The following CRADD variants were observed in gnomAD, a reference collection of about 807,000 sequenced individuals.
The protein encoded by CRADD is CARD and death domain containing adaptor protein, also known as death domain-containing protein CRADD.
In CRADD, 9 loss-of-function variants were observed where a neutral mutation model predicts 15.5. The observed-to-expected ratio is 0.58, with a 90% CI of 0.35 to 1.01. The LOEUF (loss-of-function observed/expected upper bound fraction) is 1.01. Ranked by LOEUF, CRADD falls within the 50% of genes least tolerant of loss-of-function variation. The pLI is 0.02. For synonymous variants in CRADD, 118 were observed against 107.6 expected (o/e 1.10, Z -0.60); for missense variants, 227 against 250.3 (o/e 0.91, Z 0.63).
At chr12:93,879,485 A>G (rs1958479944) in intron 2 of CRADD, among the ~76,000 whole-genome samples, 1 of 152,148 alleles carries the variant, frequency 6.6e-6, no homozygotes, top group Non-Finnish European at 1.5e-5. Flanking sequence ...CCAATTGTTT[A>G]GGTTCCCTTC....
intron 2 of CRADD, among the ~76,000 whole-genome samples, chr12:93,864,591 G>C (rs922638901): frequency 6.6e-6 from 1 of 152,216 alleles, no homozygotes; most frequent in South Asian, 2.1e-4. Context: ...AAGGATAAAA[G>C]TGAGGGTCAC....
At chr12:93,799,369 GCA>G (rs1421400018) in intron 2 of CRADD, among the ~76,000 whole-genome samples, 1 of 151,994 alleles carries the variant, frequency 6.6e-6, no homozygotes, top group Non-Finnish European at 1.5e-5. Context: ...TTGTAACCCA[GCA>G]CACACACACA....
intron 2 of CRADD, chr12:93,714,935 A>G (rs1429392193): frequency 6.6e-6 from 1 of 152,244 alleles, no homozygotes; most frequent in Non-Finnish European, 1.5e-5. Context: ...GGAGGTTGGG[A>G]ATGGCATTTG....
At chr12:93,712,761 A>G (rs1436949004) in intron 2 of CRADD, among the ~76,000 whole-genome samples, 1 of 152,196 alleles carries the variant, frequency 6.6e-6, no homozygotes, top group Non-Finnish European at 1.5e-5. Flanking sequence ...GTAGACTAGG[A>G]GCTTTATGCT....
chr12:93,889,708 G>A (rs936352560), intron 2 of CRADD, among the ~76,000 whole-genome samples: 4 of 152,136 alleles, frequency 2.6e-5, no homozygotes, highest in African/African-American at 4.8e-5. Flanking sequence ...AGGTGATGCC[G>A]TAACATAAAG....
chr12:93,809,065 C>T (rs1251695411), intron 2 of CRADD, among the ~76,000 whole-genome samples: 1 of 152,060 alleles, frequency 6.6e-6, no homozygotes, highest in Non-Finnish European at 1.5e-5. Flanking sequence ...CAGGCACACA[C>T]CACCACACCC....
intron 2 of CRADD, among the ~76,000 whole-genome samples, chr12:93,744,389 GA>G (rs1211871410): frequency 6.6e-6 from 1 of 152,212 alleles, no homozygotes; most frequent in Non-Finnish European, 1.5e-5. Context: ...ACAGTGTGCA[GA>G]ATTTGCTTTA....
chr12:93,806,451 C>CAAAAAAAAAAAAA (rs59372325), intron 2 of CRADD, among the ~76,000 whole-genome samples: 3 of 59,194 alleles, frequency 5.1e-5, no homozygotes, highest in Non-Finnish European at 1.1e-4. Context: ...GACTCCATCT[C>CAAAAAAAAAAAAA]AAAAAAAAAA....
chr12:93,857,223 G>A (rs939197380), intron 2 of CRADD, among the ~76,000 whole-genome samples: 5 of 151,878 alleles, frequency 3.3e-5, no homozygotes, highest in African/African-American at 1.2e-4. Context: ...GGCTGTTTTT[G>A]ATGTCAAATT....
chr12:93,859,363 A>G (rs191654513), intron 2 of CRADD: 1 of 455,948 alleles, frequency 2.2e-6, no homozygotes, highest in Non-Finnish European at 4.4e-6. Context: ...GGAATCACCA[A>G]TTTTCTACCC....
At chr12:93,776,362 G>T (rs1399163489) in intron 2 of CRADD, among the ~76,000 whole-genome samples, 1 of 152,164 alleles carries the variant, frequency 6.6e-6, no homozygotes, top group Non-Finnish European at 1.5e-5. Context: ...GAATTTCTAG[G>T]TTGAAGAGTG....
chr12:93,683,147 C>G (rs1955358295), intron 2 of CRADD, among the ~76,000 whole-genome samples: 1 of 152,150 alleles, frequency 6.6e-6, no homozygotes, highest in Admixed American at 6.5e-5. Flanking sequence ...CCCTCCAGTG[C>G]CTGAGCTAAT....
chr12:93,677,398 T>G lies in CRADD; in HGVS notation c.-81T>G, dbSNP rs551823054. Reference sequence around the variant, plus strand: ...TCGCCATTAACAAAGATGGTGCTTATGGGGCAGGTTCCCTAACAGTCAGGA... The same window carrying G: ...TCGCCATTAACAAAGATGGTGCTTAGGGGGCAGGTTCCCTAACAGTCAGGA... On this transcript the variant is annotated 5_prime_UTR_variant, in exon 1 of 3. The change abolishes an upstream ATG in the 5' untranslated region. Transcript: ENST00000332896. 1 of 152,366 alleles carries G rather than the reference T, an allele frequency of 6.6e-6. No individual in the cohort carries two copies. Among genetic ancestry groups the G allele is most frequent in the South Asian group, 2.1e-4 (1 of 4,832 alleles). The allele number at this position is 152,366 out of a possible 1,614,324, so 9.4% of individuals were successfully genotyped here. A position where few individuals can be genotyped will look rare whatever the true frequency, so the allele number is the denominator to read the frequency against.
intron 2 of CRADD, among the ~76,000 whole-genome samples, chr12:93,744,361 A>G (rs760017846): frequency 1.8e-4 from 28 of 152,198 alleles, no homozygotes; most frequent in Admixed American, 2.6e-4. Flanking sequence ...TTGCCCATCT[A>G]CATCTTCAAA....
At chr12:93,736,282 C>G (rs190023398) in intron 2 of CRADD, among the ~76,000 whole-genome samples, 243 of 152,216 alleles carry the variant, frequency 1.6e-3, no homozygotes, top group Non-Finnish European at 2.6e-3. Flanking sequence ...AATAACAGTA[C>G]AGTACATTGC....
At chr12:93,733,374 T>A (rs1187038390) in intron 2 of CRADD, among the ~76,000 whole-genome samples, 1 of 152,180 alleles carries the variant, frequency 6.6e-6, no homozygotes, top group Non-Finnish European at 1.5e-5. Flanking sequence ...TGGAGAAGGA[T>A]GTGTACTTAG....
At chr12:93,808,463 G>A (rs147278595) in intron 2 of CRADD, among the ~76,000 whole-genome samples, 2 of 152,192 alleles carry the variant, frequency 1.3e-5, no homozygotes, top group Admixed American at 1.3e-4. Context: ...GATCTCCACC[G>A]TGGGGATTAT....
At chr12:93,705,806 A>G (rs541613330) in intron 2 of CRADD, among the ~76,000 whole-genome samples, 2 of 152,378 alleles carry the variant, frequency 1.3e-5, no homozygotes, top group African/African-American at 2.4e-5. Context: ...TGTCAGAGCC[A>G]CATAACCAGA....
chr12:93,856,128 C>T (rs1026429045), intron 2 of CRADD, among the ~76,000 whole-genome samples: 1 of 152,196 alleles, frequency 6.6e-6, no homozygotes, highest in African/African-American at 2.4e-5. Flanking sequence ...TCTTCTTCAC[C>T]CTCCCAGGGC....
Sources: allele counts gnomAD v4.1 joint callset (sites outside exome capture counted in the v4.1 genomes callset), GRCh38; gene constraint gnomAD v4.1.1; transcripts MANE v1.5; gene names NCBI Gene and HGNC (gene_info 2026-07-23, HGNC 2026-07-21).